Variants in MAN2A2 observed in about 807,000 individuals in gnomAD.
MAN2A2 encodes the protein mannosidase alpha class 2A member 2.
In MAN2A2, 79 loss-of-function variants were observed where a neutral mutation model predicts 126.8. That is an observed-to-expected ratio of 0.62 (90% CI 0.52 to 0.75). The LOEUF (loss-of-function observed/expected upper bound fraction) is 0.75. Ranked by LOEUF, MAN2A2 falls within the 30% of genes least tolerant of loss-of-function variation. The pLI is 0.00. For synonymous variants in MAN2A2, 671 were observed against 618.7 expected (o/e 1.08, Z -1.25); for missense variants, 1,392 against 1,522.4 (o/e 0.91, Z 1.43).
rs1303334949 is a variant in MAN2A2 at position 90,907,467 on chromosome 15, G to A, written c.1168G>A (p.Ala390Thr). Residue 390 changes from alanine (A) to threonine (T), a missense_variant, in exon 8 of 23, where the codon GCC (alanine) becomes ACC (threonine). Physicochemically the swap from Ala to Thr is moderately conservative, Grantham distance 58 (BLOSUM62 0). Transcript: ENST00000559717. ...CTGCCCTTGGAAGGTGCCACCCCGG[G>A]CCATCACAGAGGCCAACGTGGCAGA... is the stretch of plus-strand genomic sequence containing the variant. ...INCPWKVPPRAITEANVAERA... is the reference protein window; with the variant it reads ...INCPWKVPPRTITEANVAERA... 2 of 1,613,120 alleles carry A rather than the reference G, an allele frequency of 1.2e-6. No individual in the cohort carries two copies. Among genetic ancestry groups the A allele is most frequent in the Non-Finnish European group, 8.5e-7 (1 of 1,180,000 alleles).
Position 90,904,339 on chromosome 15 carries a change from G to C in MAN2A2, c.132G>C (p.Arg44=). The change falls in exon 2 of 23, where the codon CGG becomes CGC. Residue 44 remains arginine, a splice_region_variant and synonymous_variant. Coordinates refer to ENST00000559717, the MANE Select transcript of MAN2A2 (RefSeq NM_006122.4). ...ACCAGAATGGTGGGAACTTCCCCCGGGTGAGTCGTGCCTGGTTGCTAATTT... is the reference window on the plus strand; with the variant it reads ...ACCAGAATGGTGGGAACTTCCCCCGCGTGAGTCGTGCCTGGTTGCTAATTT... The part of the protein sequence containing the change: ...TRHQNGGNFP[R]SQISVLQNRI... 6.2e-7 allele frequency: 1 copy of C among 1,613,166 alleles called. No individual in the cohort carries two copies. Among genetic ancestry groups the C allele is most frequent in the Non-Finnish European group, 8.5e-7 (1 of 1,179,302 alleles).
chr15:90,911,090 G>T, intron 12 of MAN2A2, 81 bp from the exon 13 acceptor site: 1 of 1,516,424 alleles, frequency 6.6e-7, no homozygotes, highest in Non-Finnish European at 9.1e-7. Context: ...CAGTGCAGCC[G>T]CTGGTCCACA....
chr15:90,902,923 G>A (rs540015457), upstream of MAN2A2: 2 of 150,738 alleles, frequency 1.3e-5, no homozygotes, highest in Non-Finnish European at 3.0e-5. Context: ...GCGTGTGAGA[G>A]CCGGCAGCTC....
chr15:90,909,274 C>T, intron 8 of MAN2A2, 53 bp from the exon 9 acceptor site: 5 of 1,556,718 alleles, frequency 3.2e-6, no homozygotes, highest in Non-Finnish European at 4.4e-6. Context: ...GTGCGTGGTG[C>T]TCTTTTACTG....
chr15:90,911,147 C>A (rs2034698091), intron 12 of MAN2A2, 24 bp from the exon 13 acceptor site: 1 of 1,612,970 alleles, frequency 6.2e-7, no homozygotes, highest in African/African-American at 1.3e-5. Context: ...GATGGTTCTT[C>A]CCTTCCGGCT....
chr15:90,906,753 C>T lies in MAN2A2; in HGVS notation c.849C>T (p.Arg283=), dbSNP rs1347742167. Residue 283 remains arginine, a synonymous_variant, in exon 7 of 23, where the codon CGC becomes CGT. Coordinates refer to ENST00000559717, the MANE Select transcript of MAN2A2 (RefSeq NM_006122.4). ...WLERNLGATP[R]SGWAVDPFGY... ...TGCCCTGCCCAGGTGCAACCCCCCG[C>T]TCTGGCTGGGCAGTGGACCCCTTTG... The T allele has an allele frequency of 6.2e-7, 1 of 1,612,632 alleles. No homozygotes were observed. Among genetic ancestry groups the T allele is most frequent in the Non-Finnish European group, 8.5e-7 (1 of 1,179,950 alleles).
intron 11 of MAN2A2, 60 bp from the exon 12 acceptor site, chr15:90,910,787 C>T (rs944626255): frequency 1.3e-6 from 2 of 1,598,806 alleles, no homozygotes; most frequent in South Asian, 1.1e-5. Context: ...GTCCTGCTGA[C>T]AAGGCAGACA....
chr15:90,919,709 T>C lies in MAN2A2; in HGVS notation c.3375T>C (p.Pro1125=). 6.2e-7 allele frequency: 1 copy of C among 1,614,238 alleles called. No individual in the cohort carries two copies. Among genetic ancestry groups the C allele is most frequent in the Non-Finnish European group, 8.5e-7 (1 of 1,180,038 alleles). ...CAACCTCCTTGACGTTACTGTACCC[T>C]CTGGCCTCCCCGTCCAACAGCACTG... ...LQPTSLTLLY[P]LASPSNSTDV... The change falls in exon 23 of 23, where the codon CCT becomes CCC. Residue 1125 remains proline (P), a synonymous_variant. Transcript: ENST00000559717.
Position 90,906,383 on chromosome 15 carries a change from G to C in MAN2A2, c.721G>C (p.Gly241Arg). 6.2e-7 allele frequency: 1 copy of C among 1,614,094 alleles called. No homozygotes were observed. Among genetic ancestry groups the C allele is most frequent in the Non-Finnish European group, 8.5e-7 (1 of 1,179,986 alleles). ...CCTTAACTATAGGCTGGTGGGAAAC[G>C]GGCAGCTGGAGATTGCGACAGGAGG... is the stretch of plus-strand genomic sequence containing the variant. ...RAAVRRLVGN[G>R]QLEIATGGWV... is the part of the protein sequence containing the mutation. The change falls in exon 6 of 23, where the codon GGG (glycine) becomes CGG (arginine). Residue 241 changes from glycine (G) to arginine (R), a missense_variant. Transcript: ENST00000559717.
In MAN2A2 at chr15:90,912,203, A is replaced by G. The variant is rs1279059579; in HGVS notation, c.2270A>G (p.Asp757Gly). 1.2e-6 allele frequency: 2 copies of G among 1,614,056 alleles called. No homozygotes were observed. Among genetic ancestry groups the G allele is most frequent in the Non-Finnish European group, 1.7e-6 (2 of 1,180,014 alleles). Reference protein sequence around the residue: ...RHEAFPLRVIDSGTSDFALSN... With the variant: ...RHEAFPLRVIGSGTSDFALSN... ...GAAGCGTTTCCTCTCCGTGTCATTG[A>G]CTCTGGCACCAGCGACTTCGCCCTC... Residue 757 changes from aspartate (D) to glycine (G), a missense_variant, in exon 15 of 23, where the codon GAC becomes GGC. Asp to Gly is a moderately conservative substitution (Grantham distance 94). Transcript: ENST00000559717.
Position 90,912,584 on chromosome 15 carries a change from A to C in MAN2A2, c.2389A>C (p.Met797Leu). 1 of 1,614,182 alleles carries C rather than the reference A, an allele frequency of 6.2e-7. No homozygotes were observed. Among genetic ancestry groups the C allele is most frequent in the South Asian group, 1.1e-5 (1 of 91,090 alleles). The change falls in exon 16 of 23, where the codon ATG becomes CTG. Residue 797 changes from methionine (M) to leucine (L), a missense_variant. Transcript: ENST00000559717. ...VDEEHEQQVD[M>L]QVLVYGTRTS... ...TGAGGAGCACGAGCAGCAGGTGGAC[A>C]TGCAGGTCCTTGTCTATGGCACCCG...
chr15:90,910,607 A>C lies in MAN2A2; in HGVS notation c.1684A>C (p.Thr562Pro). ...CACCCTCCTGACGGAAGCTCGGCGC[A>C]CATTGGGGCTCTTCCAGCATCACGA... ...DFTLLTEARRTLGLFQHHDAI... is the reference protein window; with the variant it reads ...DFTLLTEARRPLGLFQHHDAI... The change falls in exon 11 of 23, where the codon ACA becomes CCA. Residue 562 changes from threonine (T) to proline (P), a missense_variant. Thr to Pro is a conservative substitution (Grantham distance 38). Coordinates refer to ENST00000559717, the MANE Select transcript of MAN2A2 (RefSeq NM_006122.4). The C allele has an allele frequency of 6.2e-7, 1 of 1,614,178 alleles. No homozygotes were observed.
At chr15:90,907,047 C>T in intron 7 of MAN2A2, 134 bp downstream of exon 7, 9 of 1,186,420 alleles carry the variant, frequency 7.6e-6, no homozygotes, top group Non-Finnish European at 6.0e-6. Context: ...CAGAAATGGT[C>T]GCACCCTCTG....
At position 90,921,763 on chromosome 15, in the gene MAN2A2, AC is replaced by A. The variant is rs1376629086; in HGVS notation, c.*1977del. On this transcript the variant is annotated 3_prime_UTR_variant, in exon 23 of 23. Coordinates refer to ENST00000559717, the MANE Select transcript of MAN2A2 (RefSeq NM_006122.4). ...GCGAAACCCTGTGTCTACTAAAAAT[AC>A]AAAAACTAGCCAGGAATGGTGGCGC... 6.6e-6 allele frequency: 1 copy of A among 152,186 alleles called. No individual in the cohort carries two copies. Among genetic ancestry groups the A allele is most frequent in the Admixed American group, 6.5e-5 (1 of 15,280 alleles). The allele number at this position is 152,186 out of a possible 1,614,324, so 9.4% of individuals were successfully genotyped here.
rs2035169668 is a variant in MAN2A2, at chr15:90,916,249, G to A, written c.2987G>A (p.Gly996Asp). 1.9e-6 allele frequency: 3 copies of A among 1,613,704 alleles called. No individual in the cohort carries two copies. Among genetic ancestry groups the A allele is most frequent in the African/African-American group, 1.3e-5 (1 of 74,942 alleles). The change falls in exon 20 of 23, where the codon GGC becomes GAC. Residue 996 changes from glycine (G) to aspartate (D), a missense_variant. Transcript: ENST00000559717. ...FRLLLERRTV[G>D]SEVQDSHSTS... ...CTCCTGCTAGAGCGGCGAACCGTGG[G>A]CAGTGAGGTAACATCTGGGGCTGAC...
chr15:90,904,051 T>A (rs1198771479), intron 1 of MAN2A2, 139 bp from the exon 2 acceptor site: 1 of 899,012 alleles, frequency 1.1e-6, no homozygotes, highest in African/African-American at 1.6e-5. Context: ...CAGCCTCAGA[T>A]GTGCTGCTTG....
rs1271571072 is a variant in MAN2A2, at chr15:90,913,772, A to G, written c.2860+17A>G. 6.3e-7 allele frequency: 1 copy of G among 1,575,872 alleles called. No homozygotes were observed. The highest frequency in any genetic ancestry group is 8.6e-7 in the Non-Finnish European group (1 of 1,159,660). Reference sequence around the variant, plus strand: ...TCAAAGATGGTGAGTAGGGCCCAGGAGTTCTGCAGAGGGTATCAGACAAAA... The same window carrying G: ...TCAAAGATGGTGAGTAGGGCCCAGGGGTTCTGCAGAGGGTATCAGACAAAA... On this transcript the variant is annotated intron_variant, in intron 19 of 22. Coordinates refer to ENST00000559717, the MANE Select transcript of MAN2A2 (RefSeq NM_006122.4).
In MAN2A2 at chr15:90,906,466, C is replaced by T. The variant is rs749986284; in HGVS notation, c.804C>T (p.Ile268=). The change falls in exon 6 of 23, where the codon ATC becomes ATT. Residue 268 remains isoleucine, a synonymous_variant. Transcript: ENST00000559717. ...SHYFALIDQL[I]EGHQWLERNL... ...ACTTTGCATTGATTGACCAGCTCAT[C>T]GAAGGACACCAGTGGCTGGAGAGAA... The T allele has an allele frequency of 1.4e-5, 23 of 1,614,024 alleles. No homozygotes were observed. The Admixed American group carries it at 2.2e-4, about 15-fold the overall frequency.
intron 13 of MAN2A2, 72 bp downstream of exon 13, chr15:90,911,310 G>C: frequency 1.9e-6 from 3 of 1,613,208 alleles, no homozygotes; most frequent in South Asian, 1.1e-5. Context: ...GCCCCAGCAT[G>C]TGCTGAACCA....
Sources: allele counts gnomAD v4.1 joint callset, GRCh38; gene constraint gnomAD v4.1.1; transcripts MANE v1.5; gene names NCBI Gene and HGNC (gene_info 2026-07-23, HGNC 2026-07-21).